The following SOAT2 variants were observed in gnomAD, a reference collection of about 807,000 sequenced individuals.
The protein encoded by SOAT2 is sterol O-acyltransferase 2, also known as ACAT-2.
Under a neutral mutation model 76.0 loss-of-function variants are expected in SOAT2, and 87 were observed. The observed-to-expected ratio is 1.14, with a 90% CI of 0.96 to 1.37. The LOEUF (loss-of-function observed/expected upper bound fraction) is 1.37. Ranked by LOEUF, SOAT2 falls within the 40% of genes most tolerant of loss-of-function variation. The pLI, the probability that SOAT2 is intolerant of heterozygous loss-of-function variation, is 0.00. For synonymous variants in SOAT2, 285 were observed against 275.4 expected (o/e 1.03, Z -0.34); for missense variants, 686 against 682.1 (o/e 1.01, Z -0.06).
chr12:53,117,462 G>C (rs1415707055), intron 7 of SOAT2, among the ~76,000 whole-genome samples: 1 of 152,014 alleles, frequency 6.6e-6, no homozygotes, highest in Non-Finnish European at 1.5e-5. Context: ...GAACAGAAGA[G>C]ATGGGAGAAT....
At position 53,115,426 on chromosome 12, in the gene SOAT2, C is replaced by T. The variant is rs200442641; in HGVS notation, c.480C>T (p.Phe160=). The change falls in exon 6 of 15, where the codon TTC becomes TTT. Residue 160 remains phenylalanine (F), a synonymous_variant. Transcript: ENST00000301466. ...AGTTTGACCTACTGATCTTCAGCTT[C>T]GGACAGCTGCCATTGGCGCTGGTGA... ...LLEFDLLIFS[F]GQLPLALVTW... 6.8e-6 allele frequency: 11 copies of T among 1,611,324 alleles called. No homozygotes were observed. In the Admixed American group the frequency reaches 1.3e-4, roughly 20 times the overall value.
At chr12:53,111,623 T>C (rs1296854176) in intron 5 of SOAT2, among the ~76,000 whole-genome samples, 1 of 152,250 alleles carries the variant, frequency 6.6e-6, no homozygotes, top group African/African-American at 2.4e-5. Context: ...TATAGTTTTG[T>C]AGCCTCTATG....
rs1175373296 is a variant in SOAT2 at position 53,123,605 on chromosome 12, G to GAAGA, written c.1373-123_1373-122insAAGA. The GAAGA allele has an allele frequency of 2.5e-6, 3 of 1,199,944 alleles. No homozygotes were observed. The African/African-American group carries it at 4.5e-5, about 18-fold the overall frequency. The allele number at this position is 1,199,944 out of a possible 1,614,324, so 74.3% of individuals were successfully genotyped here. On this transcript the variant is annotated intron_variant, in intron 13 of 14. Transcript: ENST00000301466. ...GACCTCTACGAATTTCTGCACCTGA[G>GAAGA]TTCAAGATCTTCTCCAATGGGGCCT... is the stretch of plus-strand genomic sequence containing the variant.
intron 1 of SOAT2, 37 bp downstream of exon 1, chr12:53,103,696 G>GC: frequency 6.9e-7 from 1 of 1,451,042 alleles, no homozygotes; most frequent in Non-Finnish European, 9.2e-7. Context: ...GCACAGGCAA[G>GC]TGGGGGGGAG....
Position 53,105,588 on chromosome 12 carries a change from G to A in SOAT2, c.303G>A (p.Gln101=), listed in dbSNP as rs746516812. The A allele has an allele frequency of 1.2e-6, 2 of 1,611,636 alleles. No homozygotes were observed. The highest frequency in any genetic ancestry group is 1.7e-6 in the Non-Finnish European group (2 of 1,178,770). ...SRTQEPSLGK[Q]KVFIIRKSLL... ...CCCAGGAGCCATCCCTGGGGAAACA[G>A]AAAGTTTTCATCATCCGCAAGTCCC... is the stretch of plus-strand genomic sequence containing the variant. Residue 101 remains glutamine (Q), a synonymous_variant, in exon 4 of 15, where the codon CAG becomes CAA. Coordinates refer to ENST00000301466, the MANE Select transcript of SOAT2 (RefSeq NM_003578.4).
In SOAT2 at chr12:53,124,267, A is replaced by G. The variant is rs1638413126; in HGVS notation, c.*144A>G. ...ACAAGACCCCACCAAGGAATGTGCA[A>G]GGACTGAGATCTGCAGACTTGTGGG... On this transcript the variant is annotated 3_prime_UTR_variant, in exon 15 of 15. Transcript: ENST00000301466. 2.6e-6 allele frequency: 2 copies of G among 761,936 alleles called. No individual in the cohort carries two copies. Among genetic ancestry groups the G allele is most frequent in the Admixed American group, 2.1e-5 (1 of 48,154 alleles). The allele number at this position is 761,936 out of a possible 1,614,324, so 47.2% of individuals were successfully genotyped here. A position where few individuals can be genotyped will look rare whatever the true frequency, so the allele number is the denominator to read the frequency against.
In SOAT2 at chr12:53,124,360, G is replaced by T; in HGVS notation, c.*237G>T. 1.7e-6 allele frequency: 1 copy of T among 587,430 alleles called. No homozygotes were observed. The highest frequency in any genetic ancestry group is 3.0e-6 in the Non-Finnish European group (1 of 328,666). 36.4% of individuals were successfully genotyped at this position (587,430 alleles called of 1,614,324 possible). On this transcript the variant is annotated 3_prime_UTR_variant, in exon 15 of 15. Coordinates refer to ENST00000301466, the MANE Select transcript of SOAT2 (RefSeq NM_003578.4). ...CTTCAATCCCTATCCCCATGGGCTGGGTACAGGATATCCTCCTACCCCATG... is the reference window on the plus strand; with the variant it reads ...CTTCAATCCCTATCCCCATGGGCTGTGTACAGGATATCCTCCTACCCCATG...
intron 10 of SOAT2, 108 bp downstream of exon 10, chr12:53,119,361 C>A: frequency 3.2e-6 from 4 of 1,232,866 alleles, no homozygotes; most frequent in Non-Finnish European, 4.5e-6. Flanking sequence ...CCTTCTGAGT[C>A]TCTCCTCACA....
At chr12:53,118,849 A>G in intron 8 of SOAT2, 41 bp from the exon 9 acceptor site, 2 of 1,611,714 alleles carry the variant, frequency 1.2e-6, no homozygotes, top group Non-Finnish European at 1.7e-6. Context: ...AGAGAACAAC[A>G]TGAAAGAATG....
intron 10 of SOAT2, among the ~76,000 whole-genome samples, chr12:53,120,327 G>T (rs533461603): frequency 6.6e-6 from 1 of 152,228 alleles, no homozygotes; most frequent in East Asian, 1.9e-4. Flanking sequence ...AAATTAGCCG[G>T]GCGTGGTGGC....
chr12:53,119,589 A>G (rs1451237399), intron 10 of SOAT2, among the ~76,000 whole-genome samples: 1 of 149,614 alleles, frequency 6.7e-6, no homozygotes, highest in Non-Finnish European at 1.5e-5. Flanking sequence ...CTTTTGGATC[A>G]GATATGAACC....
intron 7 of SOAT2, among the ~76,000 whole-genome samples, chr12:53,117,662 G>C (rs1240340948): frequency 3.9e-5 from 6 of 152,020 alleles, no homozygotes; most frequent in Non-Finnish European, 8.8e-5. Context: ...TGGTGGAGAG[G>C]GGACGTTTCT....
At position 53,124,183 on chromosome 12, in the gene SOAT2, T is replaced by C; in HGVS notation, c.*60T>C. ...CACCAAGTTCTCTGCCTGCAAAACC[T>C]GGGACCAGGACTCCTGTCTGCATTC... On this transcript the variant is annotated 3_prime_UTR_variant, in exon 15 of 15. Transcript: ENST00000301466. 11 of 1,591,486 alleles carry C rather than the reference T, an allele frequency of 6.9e-6. No individual in the cohort carries two copies. The highest frequency in any genetic ancestry group is 9.5e-6 in the Non-Finnish European group (11 of 1,159,646).
At position 53,115,662 on chromosome 12, in the gene SOAT2, C is replaced by T; in HGVS notation, c.708+8C>T. 6.6e-7 allele frequency: 1 copy of T among 1,507,264 alleles called. No homozygotes were observed. Among genetic ancestry groups the T allele is most frequent in the Non-Finnish European group, 8.8e-7 (1 of 1,133,848 alleles). 93.4% of individuals were successfully genotyped at this position (1,507,264 alleles called of 1,614,324 possible). On this transcript the variant is annotated splice_region_variant and intron_variant, in intron 6 of 14. Transcript: ENST00000301466. ...GTCCTGGTCTTCGAGCAGGTGAGGG[C>T]CGAGCCCTGCTGACGGACAGGAAGG...
chr12:53,105,588 GAA>G lies in SOAT2; in HGVS notation c.305_306del (p.Lys102SerfsTer10). The G allele has an allele frequency of 6.2e-7, 1 of 1,611,754 alleles. No homozygotes were observed. The highest frequency in any genetic ancestry group is 8.5e-7 in the Non-Finnish European group (1 of 1,178,762). On this transcript the variant is annotated frameshift_variant, in exon 4 of 15. Transcript: ENST00000301466. LOFTEE classifies it high-confidence loss of function. Reference sequence around the variant, plus strand: ...CCCAGGAGCCATCCCTGGGGAAACAGAAAGTTTTCATCATCCGCAAGTCCCTG... The same window carrying G: ...CCCAGGAGCCATCCCTGGGGAAACAGAGTTTTCATCATCCGCAAGTCCCTG... Reference protein sequence around the residue: ...RTQEPSLGKQKVFIIRKSLLD... With the variant: ...RTQEPSLGKQXVFIIRKSLLD...
At chr12:53,109,547 T>C (rs1442082214) in intron 5 of SOAT2, among the ~76,000 whole-genome samples, 1 of 152,166 alleles carries the variant, frequency 6.6e-6, no homozygotes, top group Non-Finnish European at 1.5e-5. Context: ...AGTGGCATGA[T>C]CTCGGCTCAC....
At chr12:53,119,423 C>A (rs1412491199) in intron 10 of SOAT2, among the ~76,000 whole-genome samples, 170 bp downstream of exon 10, 2 of 152,144 alleles carry the variant, frequency 1.3e-5, no homozygotes, top group Non-Finnish European at 2.9e-5. Flanking sequence ...AGACCATCTG[C>A]TCCCCCTCCA....
chr12:53,122,694 T>C (rs1377735022), intron 12 of SOAT2, among the ~76,000 whole-genome samples: 1 of 152,122 alleles, frequency 6.6e-6, no homozygotes, highest in African/African-American at 2.4e-5. Flanking sequence ...GAATTTTTCT[T>C]AGTACAGAAC....
At chr12:53,120,475 T>C (rs1420437830) in intron 10 of SOAT2, among the ~76,000 whole-genome samples, 2 of 151,296 alleles carry the variant, frequency 1.3e-5, no homozygotes, top group Non-Finnish European at 2.9e-5. Flanking sequence ...AAAAAAATAA[T>C]AATAATAAAA....
Sources: allele counts gnomAD v4.1 joint callset (sites outside exome capture counted in the v4.1 genomes callset), GRCh38; gene constraint gnomAD v4.1.1; transcripts MANE v1.5; gene names NCBI Gene and HGNC (gene_info 2026-07-23, HGNC 2026-07-21).